The following OTUD7A variants were observed in gnomAD, a reference collection of about 807,000 sequenced individuals.
The protein encoded by OTUD7A is OTU domain-containing protein 7A.
OTUD7A carries 12 observed loss-of-function variants against 65.7 expected under a neutral mutation model. The ratio of observed to expected loss-of-function variants is 0.18; its 90% CI spans 0.12 to 0.30. The LOEUF (loss-of-function observed/expected upper bound fraction) is 0.30, where lower values mean the gene tolerates loss of function less well. OTUD7A is among the 10% of genes least tolerant of loss of function. OTUD7A has a pLI of 1.00. For missense variants in OTUD7A, 1,148 were observed against 1,304.8 expected (o/e 0.88, Z 1.85); for synonymous variants, 641 against 586.3 (o/e 1.09, Z -1.35).
At chr15:31,801,856 T>C (rs1896133416) in intron 1 of OTUD7A, among the ~76,000 whole-genome samples, 1 of 152,130 alleles carries the variant, frequency 6.6e-6, no homozygotes, top group African/African-American at 2.4e-5. Context: ...GTTTTTTATT[T>C]ATATATTTTT....
intron 8 of OTUD7A, among the ~76,000 whole-genome samples, chr15:31,513,104 C>G (rs984094958): frequency 6.6e-6 from 1 of 152,162 alleles, no homozygotes; most frequent in Non-Finnish European, 1.5e-5. Context: ...CTCCTGGCCT[C>G]AAGTGATCCA....
At chr15:31,617,860 T>C (rs1167354703) in intron 3 of OTUD7A, among the ~76,000 whole-genome samples, 1 of 152,170 alleles carries the variant, frequency 6.6e-6, no homozygotes, top group Non-Finnish European at 1.5e-5. Context: ...ACATGTGCCA[T>C]GTTGGTGTGC....
chr15:31,607,296 T>G (rs375910115), intron 3 of OTUD7A, among the ~76,000 whole-genome samples: 2 of 152,222 alleles, frequency 1.3e-5, no homozygotes. Context: ...AGAACAAACC[T>G]TGGCCAACAC....
At chr15:31,687,574 A>C (rs1473613420) in intron 1 of OTUD7A, among the ~76,000 whole-genome samples, 2 of 152,170 alleles carry the variant, frequency 1.3e-5, no homozygotes, top group African/African-American at 2.4e-5. Context: ...AGGACACTGA[A>C]GGTTTGTGAG....
intron 5 of OTUD7A, among the ~76,000 whole-genome samples, chr15:31,535,855 T>G (rs1206625830): frequency 6.6e-6 from 1 of 151,728 alleles, no homozygotes; most frequent in Non-Finnish European, 1.5e-5. Context: ...TTTTTGTATT[T>G]TTTTTTAGTA....
chr15:31,521,831 G>A (rs2041941340), intron 8 of OTUD7A, among the ~76,000 whole-genome samples: 1 of 152,132 alleles, frequency 6.6e-6, no homozygotes, highest in Non-Finnish European at 1.5e-5. Flanking sequence ...GCTGCCAGAG[G>A]GTCCCCCAAA....
chr15:31,651,991 AT>A (rs1490057597), intron 3 of OTUD7A, among the ~76,000 whole-genome samples: 1 of 122,952 alleles, frequency 8.1e-6, no homozygotes, highest in Non-Finnish European at 1.7e-5. Context: ...TAAAGTTCAC[AT>A]AGAAAGGCAA....
rs1430521924 is a variant in OTUD7A, at chr15:31,526,472, G to A, written c.781-11C>T. ...GTACACCAGCCCTGACTGGCAGAGG[G>A]GAGCCGGCTCAGAAGGGGGGTGGGC... On this transcript the variant is annotated splice_polypyrimidine_tract_variant and intron_variant, in intron 7 of 12. Coordinates refer to ENST00000307050, the MANE Select transcript of OTUD7A (RefSeq NM_001382637.1). 1 of 1,566,422 alleles carries A rather than the reference G, an allele frequency of 6.4e-7. No homozygotes were observed. The highest frequency in any genetic ancestry group is 1.8e-5 in the Admixed American group (1 of 56,198).
At chr15:31,780,119 A>G (rs1275185799) in intron 1 of OTUD7A, among the ~76,000 whole-genome samples, 1 of 152,176 alleles carries the variant, frequency 6.6e-6, no homozygotes, top group Non-Finnish European at 1.5e-5. Flanking sequence ...CTGTCAGGAA[A>G]TGACTCTTTC....
At chr15:31,644,510 A>T (rs1222992686) in intron 3 of OTUD7A, among the ~76,000 whole-genome samples, 1 of 152,078 alleles carries the variant, frequency 6.6e-6, no homozygotes, top group African/African-American at 2.4e-5. Flanking sequence ...TCAGGGTCTT[A>T]GTGTTGCCTA....
chr15:31,792,171 C>G (rs947022295), intron 1 of OTUD7A, among the ~76,000 whole-genome samples: 1 of 152,178 alleles, frequency 6.6e-6, no homozygotes, highest in African/African-American at 2.4e-5. Context: ...CATCTCAAAT[C>G]CCTCCACCTC....
At chr15:31,499,842 A>G (rs2141079192) in intron 10 of OTUD7A, among the ~76,000 whole-genome samples, 1 of 152,336 alleles carries the variant, frequency 6.6e-6, no homozygotes, top group South Asian at 2.1e-4. Flanking sequence ...CCCAGTTTTT[A>G]GAAACCAGGT....
At chr15:31,491,577 A>C (rs2041317415) in intron 10 of OTUD7A, among the ~76,000 whole-genome samples, 1 of 152,248 alleles carries the variant, frequency 6.6e-6, no homozygotes, top group African/African-American at 2.4e-5. Context: ...AGAACAATGC[A>C]AAATAAAATT....
At chr15:31,584,082 A>G (rs1284824950) in intron 3 of OTUD7A, among the ~76,000 whole-genome samples, 1 of 152,230 alleles carries the variant, frequency 6.6e-6, no homozygotes, top group African/African-American at 2.4e-5. Flanking sequence ...AAGAGCACAA[A>G]GACAGCAGGG....
Position 31,484,023 on chromosome 15 carries a change from G to GGCGGCA in OTUD7A, c.2067_2072dup (p.Ala695_Ala696dup), listed in dbSNP as rs763129087. On this transcript the variant is annotated inframe_insertion, in exon 13 of 13. Coordinates refer to ENST00000307050, the MANE Select transcript of OTUD7A (RefSeq NM_001382637.1). The surrounding 1 kb of genome is among the most constrained non-coding windows in gnomAD (Gnocchi z 4.5). ...GCTTGGCCGTGGCGGCGGCGGCGGC[G>GGCGGCA]GCGGCAGCGGCGGCCGCAGTAGCGG... 5 of 1,227,854 alleles carry GGCGGCA rather than the reference G, an allele frequency of 4.1e-6. No homozygotes were observed. The highest frequency in any genetic ancestry group is 5.1e-6 in the Non-Finnish European group (5 of 987,984). 76.1% of individuals were successfully genotyped at this position (1,227,854 alleles called of 1,614,324 possible).
chr15:31,513,183 T>C (rs2041783485), intron 8 of OTUD7A, among the ~76,000 whole-genome samples: 1 of 152,226 alleles, frequency 6.6e-6, no homozygotes, highest in Non-Finnish European at 1.5e-5. Context: ...ATTAACCTTA[T>C]TTTAACAGTT....
rs1237855009 is a variant in OTUD7A at position 31,480,234 on chromosome 15, T to A, written c.*3060A>T. The A allele has an allele frequency of 2.0e-5, 3 of 152,212 alleles. No individual in the cohort carries two copies. The highest frequency in any genetic ancestry group is 7.2e-5 in the African/African-American group (3 of 41,456). The allele number at this position is 152,212 out of a possible 1,614,324, so 9.4% of individuals were successfully genotyped here. ...TTTCAACGTAACACAGCATAAAGTC[T>A]ACCAACAGAATACACTGAAAAACAC... is the stretch of plus-strand genomic sequence containing the variant. On this transcript the variant is annotated 3_prime_UTR_variant, in exon 13 of 13. Transcript: ENST00000307050.
At chr15:31,555,430 T>C (rs182382218) in intron 5 of OTUD7A, among the ~76,000 whole-genome samples, 13 of 152,236 alleles carry the variant, frequency 8.5e-5, no homozygotes, top group Admixed American at 7.2e-4. Flanking sequence ...TTCTAAGCAC[T>C]AAGCTATTAG....
chr15:31,489,057 G>C (rs1309302047), intron 10 of OTUD7A, among the ~76,000 whole-genome samples: 7 of 152,216 alleles, frequency 4.6e-5, no homozygotes, highest in Admixed American at 3.9e-4. Flanking sequence ...AGGGCTGCAG[G>C]GCTGGCTCAG....
Sources: allele counts gnomAD v4.1 joint callset (sites outside exome capture counted in the v4.1 genomes callset), GRCh38; gene constraint gnomAD v4.1.1; non-coding constraint Gnocchi (gnomAD v3.1); transcripts MANE v1.5; gene names NCBI Gene and HGNC (gene_info 2026-07-23, HGNC 2026-07-21).